WDHD1: variants seen among roughly 807,000 people sequenced by gnomAD.
The protein encoded by WDHD1 is WD repeat and HMG-box DNA-binding protein 1.
In WDHD1, 111 loss-of-function variants were observed where a neutral mutation model predicts 135.4. The observed-to-expected ratio is 0.82, with a 90% CI of 0.70 to 0.96. WDHD1 has a LOEUF of 0.96. Among genes scored for constraint, WDHD1 ranks in the 40% least tolerant of loss-of-function variants. The pLI is 0.00. For synonymous variants in WDHD1, 434 were observed against 439.0 expected, an observed-to-expected ratio of 0.99 and a Z score of 0.14; for missense variants, 1,351 against 1,336.3, an observed-to-expected ratio of 1.01 and a Z score of -0.17.
Position 54,987,368 on chromosome 14 carries a change from A to G in WDHD1, c.1546T>C (p.Phe516Leu). The G allele has an allele frequency of 6.2e-7, 1 of 1,613,404 alleles. No homozygotes were observed. Among genetic ancestry groups the G allele is most frequent in the Non-Finnish European group, 8.5e-7 (1 of 1,179,758 alleles). Residue 516 changes from phenylalanine to leucine, a missense_variant, in exon 14 of 26, where the codon TTT becomes CTT. Coordinates refer to ENST00000360586, the MANE Select transcript of WDHD1 (RefSeq NM_007086.4). ...TCTTTGCTTGAATCCCAAGAACTAA[A>G]GTGCAGGCAGTGAAGCTTGCTAAAA... ...ELASKLHCLH[F>L]SSWDSSKEWI...
At chr14:54,955,246 T>G (rs2041133209) in intron 24 of WDHD1, among the ~76,000 whole-genome samples, 1 of 152,184 alleles carries the variant, frequency 6.6e-6, no homozygotes, top group African/African-American at 2.4e-5. Flanking sequence ...TTATCACTCT[T>G]CTTTTTGTAT....
chr14:55,018,432 G>T (rs67395322), intron 2 of WDHD1, among the ~76,000 whole-genome samples: 48,755 of 152,002 alleles, frequency 0.32, 7,864 homozygotes, highest in South Asian at 0.35. Flanking sequence ...CTTGTGGGAA[G>T]AATATTTTGA....
chr14:54,985,353 C>G (rs372455485), intron 14 of WDHD1, among the ~76,000 whole-genome samples: 2 of 152,102 alleles, frequency 1.3e-5, no homozygotes, highest in Non-Finnish European at 2.9e-5. Context: ...GCCTGCCATG[C>G]AAACATTAGG....
chr14:54,991,378 A>T lies in WDHD1; in HGVS notation c.1176T>A (p.Gly392=). Residue 392 remains glycine, a synonymous_variant, in exon 12 of 26, where the codon GGT becomes GGA. Coordinates refer to ENST00000360586, the MANE Select transcript of WDHD1 (RefSeq NM_007086.4). The part of the protein sequence containing the change: ...NSVDISMLKT[G]SSLLKEEEED... ...CCTCCTCCTCTTTGAGAAGACTAGAACCAGTTTTTAGCATTGAAATATCTA... is the reference window on the plus strand; with the variant it reads ...CCTCCTCCTCTTTGAGAAGACTAGATCCAGTTTTTAGCATTGAAATATCTA... The T allele has an allele frequency of 6.2e-7, 1 of 1,614,104 alleles. No homozygotes were observed. The highest frequency in any genetic ancestry group is 8.5e-7 in the Non-Finnish European group (1 of 1,179,974).
Position 54,989,218 on chromosome 14 carries a change from A to T in WDHD1, c.1342-6T>A, listed in dbSNP as rs765252528. The T allele has an allele frequency of 1.2e-5, 20 of 1,607,504 alleles. No individual in the cohort carries two copies. The East Asian group carries it at 4.3e-4, about 34-fold the overall frequency. On this transcript the variant is annotated splice_polypyrimidine_tract_variant and splice_region_variant and intron_variant, in intron 12 of 25. Transcript: ENST00000360586. ...ATTCCAATAGAGTTCCACACCTACAAACAGGTAAGATTAAATATAAGTCTG... is the reference window on the plus strand; with the variant it reads ...ATTCCAATAGAGTTCCACACCTACATACAGGTAAGATTAAATATAAGTCTG...
chr14:54,980,866 T>G (rs2041607984), intron 16 of WDHD1, among the ~76,000 whole-genome samples: 1 of 146,052 alleles, frequency 6.8e-6, no homozygotes, highest in Non-Finnish European at 1.5e-5. Flanking sequence ...ATCCCAGCAC[T>G]TTGGGAGGCC....
rs2041710450 is a variant in WDHD1 at position 54,987,370 on chromosome 14, T to C, written c.1544A>G (p.His515Arg). Residue 515 changes from histidine (H) to arginine (R), a missense_variant, in exon 14 of 26, where the codon CAC (histidine) becomes CGC (arginine). This residue lies in a region of WDHD1 where 1,330 missense variants were observed against 1,296.1 expected (regional missense o/e 1.03). Transcript: ENST00000360586. The stretch of plus-strand genomic sequence containing the variant: ...TTTGCTTGAATCCCAAGAACTAAAG[T>C]GCAGGCAGTGAAGCTTGCTAAAAAT... ...DELASKLHCL[H>R]FSSWDSSKEW... 1 of 1,613,060 alleles carries C rather than the reference T, an allele frequency of 6.2e-7. No homozygotes were observed. Among genetic ancestry groups the C allele is most frequent in the Non-Finnish European group, 8.5e-7 (1 of 1,179,688 alleles).
At chr14:55,008,283 C>T in intron 6 of WDHD1, 33 bp downstream of exon 6, 1 of 1,601,714 alleles carries the variant, frequency 6.2e-7, no homozygotes. Context: ...CAGAAATGGG[C>T]AAAAAACTTT....
intron 3 of WDHD1, among the ~76,000 whole-genome samples, chr14:55,011,806 G>A (rs907347071): frequency 1.5e-4 from 22 of 151,020 alleles, no homozygotes; most frequent in African/African-American, 5.4e-4. Context: ...TTTTATAATG[G>A]CTGCATAGTA....
intron 10 of WDHD1, among the ~76,000 whole-genome samples, chr14:54,997,267 T>G (rs1046466947): frequency 1.3e-5 from 2 of 152,022 alleles, no homozygotes; most frequent in African/African-American, 4.8e-5. Flanking sequence ...GGCTAATTTT[T>G]GTATTTTCAG....
intron 15 of WDHD1, among the ~76,000 whole-genome samples, chr14:54,984,510 T>C (rs1308172717): frequency 2.0e-5 from 3 of 151,982 alleles, no homozygotes; most frequent in African/African-American, 7.3e-5. Context: ...AACATAAAAA[T>C]AAAAACAAGA....
Position 54,962,961 on chromosome 14 carries a change from A to G in WDHD1, c.2522T>C (p.Leu841Pro), listed in dbSNP as rs113889192. The part of the protein sequence containing the change: ...EEEEEDFRKK[L>P]NAGYSNTATE... The stretch of plus-strand genomic sequence containing the variant: ...CTAAATTATTTCTTACCCAGCATTC[A>G]GCTTTTTTCTGAAATCTTCTTCTTC... Residue 841 changes from leucine (L) to proline (P), a missense_variant, in exon 19 of 26, where the codon CTG becomes CCG. Physicochemically the swap from Leu to Pro is moderately conservative, Grantham distance 98. Transcript: ENST00000360586. The G allele has an allele frequency of 6.2e-7, 1 of 1,613,938 alleles. No individual in the cohort carries two copies. Among genetic ancestry groups the G allele is most frequent in the South Asian group, 1.1e-5 (1 of 91,078 alleles).
intron 24 of WDHD1, among the ~76,000 whole-genome samples, chr14:54,954,346 A>G (rs2041115879): frequency 6.6e-6 from 1 of 152,196 alleles, no homozygotes; most frequent in Non-Finnish European, 1.5e-5. Flanking sequence ...AATAGGTAAC[A>G]TACTGTGTTT....
At chr14:54,944,547 C>G in intron 24 of WDHD1, 77 bp from the exon 25 acceptor site, 23 of 1,341,350 alleles carry the variant, frequency 1.7e-5, no homozygotes, top group Non-Finnish European at 2.2e-5. Context: ...AGTTAGTAAT[C>G]AACCATAAGT....
chr14:54,951,472 C>A (rs565672015), intron 24 of WDHD1, among the ~76,000 whole-genome samples: 225 of 152,220 alleles, frequency 1.5e-3, no homozygotes, highest in Non-Finnish European at 2.7e-3. Context: ...TCTGAATAGA[C>A]CAATAACAGG....
At chr14:55,003,835 AT>A (rs143588341) in intron 7 of WDHD1, among the ~76,000 whole-genome samples, 4,869 of 152,206 alleles carry the variant, frequency 0.032, 255 homozygotes, top group African/African-American at 0.11. Flanking sequence ...AAGTGCTGGG[AT>A]TATAGGCGTG....
At chr14:54,975,228 G>A (rs1275417198) in intron 16 of WDHD1, among the ~76,000 whole-genome samples, 2 of 152,148 alleles carry the variant, frequency 1.3e-5, no homozygotes, top group Non-Finnish European at 2.9e-5. Context: ...TTAACTCTCA[G>A]TTATGTATTA....
At position 55,007,231 on chromosome 14, in the gene WDHD1, T is replaced by TAAAAA. The variant is rs369698327; in HGVS notation, c.600+44_600+48dup. On this transcript the variant is annotated intron_variant, in intron 7 of 25. Coordinates refer to ENST00000360586, the MANE Select transcript of WDHD1 (RefSeq NM_007086.4). ...AGACAGAGTGAGACTCCATCTCTAA[T>TAAAAA]AAAAAAAAAAAAAAAAAAGAAAAGA... 1.3e-3 allele frequency: 1,336 copies of TAAAAA among 1,054,610 alleles called. 7 individuals carry two copies. The highest frequency in any genetic ancestry group is 3.9e-3 in the South Asian group (243 of 62,222). The allele number at this position is 1,054,610 out of a possible 1,614,324, so 65.3% of individuals were successfully genotyped here. A position where few individuals can be genotyped will look rare whatever the true frequency, so the allele number is the denominator to read the frequency against.
At chr14:54,965,387 CAA>C (rs2041324610) in intron 18 of WDHD1, among the ~76,000 whole-genome samples, 1 of 152,188 alleles carries the variant, frequency 6.6e-6, no homozygotes, top group African/African-American at 2.4e-5. Flanking sequence ...CCACTGGTCA[CAA>C]ATAAATTTTC....
Sources: allele counts gnomAD v4.1 joint callset (sites outside exome capture counted in the v4.1 genomes callset), GRCh38; gene constraint gnomAD v4.1.1; regional missense constraint gnomAD v4.1.1; transcripts MANE v1.5; gene names NCBI Gene and HGNC (gene_info 2026-07-23, HGNC 2026-07-21).